Variants in PDK1 observed in about 807,000 individuals in gnomAD.
PDK1 encodes the protein [Pyruvate dehydrogenase (acetyl-transferring)] kinase isozyme 1, mitochondrial.
PDK1 carries 39 observed loss-of-function variants against 54.2 expected under a neutral mutation model. The ratio of observed to expected loss-of-function variants is 0.72; its 90% CI spans 0.56 to 0.94. The LOEUF (loss-of-function observed/expected upper bound fraction) is 0.94. PDK1 is among the 40% of genes least tolerant of loss of function. The pLI, the probability that PDK1 is intolerant of heterozygous loss-of-function variation, is 0.00. For missense variants in PDK1, 552 were observed against 566.0 expected (o/e 0.98, Z 0.25); for synonymous variants, 221 against 207.1 (o/e 1.07, Z -0.58).
rs370625914 is a variant in PDK1, at chr2:172,592,974, G to A, written c.1096G>A (p.Ala366Thr). 71 of 1,612,072 alleles carry A rather than the reference G, an allele frequency of 4.4e-5. No individual in the cohort carries two copies. Among genetic ancestry groups the A allele is most frequent in the Non-Finnish European group, 5.7e-5 (67 of 1,178,718 alleles). The change falls in exon 10 of 11, where the codon GCA becomes ACA. Residue 366 changes from alanine (A) to threonine (T), a missense_variant. Physicochemically the swap from Ala to Thr is moderately conservative, Grantham distance 58. Transcript: ENST00000282077. ...GYGLPISRLY[A>T]QYFQGDLKLY... is the part of the protein sequence containing the mutation. ...TGGATTGCCCATATCACGTCTTTAC[G>A]CACAATACTTCCAAGGAGACCTGAA...
At chr2:172,661,494 G>C in the PDK1 span, among the ~76,000 whole-genome samples, 2 of 152,172 alleles carry the variant, frequency 1.3e-5, no homozygotes, top group Admixed American at 6.5e-5. Context: ...ATTCAGTGAC[G>C]TCAGCCATGA....
At chr2:172,565,503 C>T (rs1028185165) in intron 5 of PDK1, among the ~76,000 whole-genome samples, 4 of 151,996 alleles carry the variant, frequency 2.6e-5, no homozygotes, top group Non-Finnish European at 1.5e-5. Context: ...AGGGTTTTAC[C>T]ATGTTGGCCA....
chr2:172,648,583 C>T, the PDK1 span, among the ~76,000 whole-genome samples: 1 of 152,104 alleles, frequency 6.6e-6, no homozygotes, highest in Non-Finnish European at 1.5e-5. Flanking sequence ...CCTTTCCTAG[C>T]AAAGGGAAGC....
chr2:172,622,772 G>T, the PDK1 span, among the ~76,000 whole-genome samples: 624 of 146,558 alleles, frequency 4.3e-3, 4 homozygotes, highest in African/African-American at 0.014. Flanking sequence ...TATGTGAGAT[G>T]TTTATATCTC....
At position 172,607,484 on chromosome 2, in the gene PDK1, C is replaced by G. The variant is rs1359721288; in HGVS notation, c.*11515C>G. On this transcript the variant is annotated 3_prime_UTR_variant, in exon 11 of 11. Transcript: ENST00000282077. ...TGTTTTGCCACTCCAGGGCCTGACT[C>G]AAACCAAAATAAGACTTGCTGTTAC... is the stretch of plus-strand genomic sequence containing the variant. 2.0e-5 allele frequency: 3 copies of G among 152,204 alleles called. No homozygotes were observed. Among genetic ancestry groups the G allele is most frequent in the Non-Finnish European group, 4.4e-5 (3 of 68,044 alleles). 9.4% of individuals were successfully genotyped at this position (152,204 alleles called of 1,614,324 possible).
At chr2:172,575,141 C>T (rs988871055) in intron 8 of PDK1, among the ~76,000 whole-genome samples, 2 of 152,062 alleles carry the variant, frequency 1.3e-5, no homozygotes, top group African/African-American at 4.8e-5. Context: ...GTTCTTTGTT[C>T]TATTAAGTAG....
intron 10 of PDK1, among the ~76,000 whole-genome samples, chr2:172,595,610 C>T (rs1477147043): frequency 6.6e-6 from 1 of 152,164 alleles, no homozygotes; most frequent in Non-Finnish European, 1.5e-5. Context: ...AAGCAACAAA[C>T]TCAGTCAACC....
At chr2:172,719,908 A>G in the PDK1 span, among the ~76,000 whole-genome samples, 637 of 152,266 alleles carry the variant, frequency 4.2e-3, 2 homozygotes, top group African/African-American at 0.014. Context: ...TACTTTACCT[A>G]TCTTATTGTC....
the PDK1 span, among the ~76,000 whole-genome samples, chr2:172,629,957 C>T: frequency 6.6e-6 from 1 of 152,304 alleles, no homozygotes; most frequent in South Asian, 2.1e-4. Flanking sequence ...GTTTCACATT[C>T]ACCTCCTCAA....
the PDK1 span, among the ~76,000 whole-genome samples, chr2:172,639,909 G>A: frequency 6.6e-6 from 1 of 152,202 alleles, no homozygotes; most frequent in African/African-American, 2.4e-5. Flanking sequence ...GGGGAGACAT[G>A]TAAAGAATGA....
the PDK1 span, among the ~76,000 whole-genome samples, chr2:172,637,794 C>A: frequency 1.3e-5 from 2 of 152,178 alleles, no homozygotes; most frequent in African/African-American, 4.8e-5. Context: ...CGCCCAGGTT[C>A]AAGCAATTCT....
At chr2:172,578,253 A>C (rs1689684111) in intron 8 of PDK1, among the ~76,000 whole-genome samples, 1 of 152,184 alleles carries the variant, frequency 6.6e-6, no homozygotes, top group South Asian at 2.1e-4. Context: ...CAGACTGGAT[A>C]ATTTCAATTG....
In PDK1 at chr2:172,565,054, T is replaced by G. The variant is rs201965407; in HGVS notation, c.672T>G (p.Asn224Lys). 3.5e-5 allele frequency: 56 copies of G among 1,593,398 alleles called. No individual in the cohort carries two copies. The highest frequency in any genetic ancestry group is 4.6e-5 in the Non-Finnish European group (53 of 1,161,262). ...KHIGSINPNCNVLEVIKDGYE... is the reference protein window; with the variant it reads ...KHIGSINPNCKVLEVIKDGYE... ...TTGGAAGCATAAATCCAAACTGCAA[T>G]GTACTTGAAGTTATTAAAGGTAAAT... Residue 224 changes from asparagine (N) to lysine (K), a missense_variant, in exon 5 of 11, where the codon AAT becomes AAG. Asn to Lys is a moderately conservative substitution (Grantham distance 94, BLOSUM62 0). Coordinates refer to ENST00000282077, the MANE Select transcript of PDK1 (RefSeq NM_002610.5).
At chr2:172,631,173 C>T in the PDK1 span, among the ~76,000 whole-genome samples, 1 of 152,196 alleles carries the variant, frequency 6.6e-6, no homozygotes, top group Non-Finnish European at 1.5e-5. Context: ...GTGGGGCCAC[C>T]TCTATCAAAT....
At chr2:172,706,482 T>A in the PDK1 span, among the ~76,000 whole-genome samples, 1 of 151,766 alleles carries the variant, frequency 6.6e-6, no homozygotes. Context: ...CGGAGTGCAG[T>A]GGCACAATCT....
the PDK1 span, among the ~76,000 whole-genome samples, chr2:172,625,892 C>T: frequency 1.4e-4 from 22 of 152,228 alleles, 1 homozygote; most frequent in South Asian, 6.2e-4. Context: ...TGCTTAATGA[C>T]ATGAATGAAT....
At chr2:172,666,782 C>T in the PDK1 span, among the ~76,000 whole-genome samples, 4 of 151,860 alleles carry the variant, frequency 2.6e-5, no homozygotes, top group East Asian at 3.9e-4. Context: ...GGGCAAGAGA[C>T]GTAAAGAATG....
chr2:172,652,204 C>G, the PDK1 span, among the ~76,000 whole-genome samples: 1 of 152,086 alleles, frequency 6.6e-6, no homozygotes, highest in South Asian at 2.1e-4. Context: ...ATAAACAGAA[C>G]CAAAGACAAA....
At chr2:172,703,763 TTTC>T in the PDK1 span, among the ~76,000 whole-genome samples, 2 of 134,424 alleles carry the variant, frequency 1.5e-5, no homozygotes, top group African/African-American at 3.0e-5. Flanking sequence ...TCTTTCTTTC[TTTC>T]TTTTTTTTTT....
Sources: gnomAD v4.1 joint callset for allele counts (sites outside exome capture counted in the v4.1 genomes callset) on GRCh38, gnomAD v4.1.1 for gene constraint, MANE v1.5 for transcripts, NCBI Gene and HGNC (gene_info 2026-07-23, HGNC 2026-07-21) for gene names.